Variants in SHOX observed in about 807,000 individuals in gnomAD.
SHOX encodes the protein short stature homeobox protein.
In SHOX, 12 loss-of-function variants were observed where a neutral mutation model predicts 29.6. The observed-to-expected ratio is 0.41, with a 90% CI of 0.26 to 0.66. The LOEUF (loss-of-function observed/expected upper bound fraction) is 0.66. Ranked by LOEUF, SHOX falls within the 30% of genes least tolerant of loss-of-function variation. The pLI, the probability that SHOX is intolerant of heterozygous loss-of-function variation, is 0.35. For synonymous variants in SHOX, 214 were observed against 200.6 expected (o/e 1.07, Z -0.57); for missense variants, 499 against 437.7 (o/e 1.14, Z -1.25).
intron 1 of SHOX, among the ~76,000 whole-genome samples, chrX:631,430 G>T (rs1286614467): frequency 2.0e-5 from 3 of 152,224 alleles, no homozygotes; most frequent in African/African-American, 7.2e-5. Context: ...CGTGGGCACC[G>T]ACACGGGAAG....
chrX:641,395 A>T (rs1301673075), intron 4 of SHOX, among the ~76,000 whole-genome samples: 1 of 151,820 alleles, frequency 6.6e-6, no homozygotes, highest in African/African-American at 2.4e-5. Flanking sequence ...AACCCTGTCT[A>T]TTAAAAATAC....
At chrX:639,421 G>A (rs1166828886) in intron 2 of SHOX, among the ~76,000 whole-genome samples, 2 of 149,870 alleles carry the variant, frequency 1.3e-5, no homozygotes, top group African/African-American at 2.5e-5. Context: ...GGCCGAGAAG[G>A]GCAAAGACAT....
rs1255836925 is a variant in SHOX, at chrX:648,482, C to G, written c.*3846C>G. Among the ~76,000 whole-genome samples the G allele has an allele frequency of 6.6e-6, 1 of 152,094 alleles. No homozygotes were observed. The highest frequency in any genetic ancestry group is 1.9e-4 in the East Asian group (1 of 5,190). On this transcript the variant is annotated 3_prime_UTR_variant, in exon 5 of 5. Coordinates refer to ENST00000686671, the MANE Select transcript of SHOX (RefSeq NM_000451.4). ...CCTCAGGTTGACCTGCCCGCTTTGT[C>G]CCTCGCAAAGTGCTGGGATTACAGG...
rs1382766525 is a variant in SHOX, at chrX:644,861, G to A, written c.*225G>A. 5 of 578,226 alleles carry A rather than the reference G, an allele frequency of 8.6e-6. No individual in the cohort carries two copies. The East Asian group carries it at 1.5e-4, about 17-fold the overall frequency. 35.8% of individuals were successfully genotyped at this position (578,226 alleles called of 1,614,324 possible). On this transcript the variant is annotated 3_prime_UTR_variant, in exon 5 of 5. Transcript: ENST00000686671. ...GGTGCAGAAGGCGGAGCGGGTGAGC[G>A]GCCGTGCGTCCAGCCCGGGCCTCTC...
At position 625,556 on chromosome X, in the gene SHOX, GTCTCTCTGTATCTCTGTCCA is replaced by G. The variant is rs1569491931; in HGVS notation, c.-433+960_-433+979del. On this transcript the variant is annotated intron_variant, in intron 1 of 5. Transcript: ENST00000334060. ...CTCTGTCTCTCTCTTTCTCTCCTCTGTCTCTCTGTATCTCTGTCCATCTCTGTCTCTCTTTCTCTCTCTCC... is the reference window on the plus strand; with the variant it reads ...CTCTGTCTCTCTCTTTCTCTCCTCTGTCTCTGTCTCTCTTTCTCTCTCTCC... Among the ~76,000 whole-genome samples the G allele has an allele frequency of 2.8e-3, 413 of 147,588 alleles. 7 individuals carry two copies. The highest frequency in any genetic ancestry group is 8.5e-3 in the African/African-American group (338 of 39,660).
At chrX:638,962 C>T (rs1318383821) in intron 2 of SHOX, among the ~76,000 whole-genome samples, 1 of 152,104 alleles carries the variant, frequency 6.6e-6, no homozygotes, top group Non-Finnish European at 1.5e-5. Context: ...AATTAAGCGA[C>T]TAAGACTGTC....
intron 1 of SHOX, chrX:631,843 G>A (rs1001976153): frequency 8.8e-6 from 4 of 452,058 alleles, no homozygotes; most frequent in South Asian, 4.7e-5. Flanking sequence ...GGGTCCTGAC[G>A]GCTTAGGATG....
intron 1 of SHOX, among the ~76,000 whole-genome samples, chrX:633,811 A>G (rs1485881540): frequency 3.9e-5 from 6 of 152,062 alleles, no homozygotes; most frequent in Non-Finnish European, 8.8e-5. Context: ...CCTTTTACTT[A>G]AACCCCTGAG....
chrX:644,682 AC>A lies in SHOX; in HGVS notation c.*50del, dbSNP rs2052931904. 2 of 1,391,400 alleles carry A rather than the reference AC, an allele frequency of 1.4e-6. No individual in the cohort carries two copies. Among genetic ancestry groups the A allele is most frequent in the South Asian group, 1.6e-5 (1 of 61,122 alleles). 86.2% of individuals were successfully genotyped at this position (1,391,400 alleles called of 1,614,324 possible). On this transcript the variant is annotated 3_prime_UTR_variant, in exon 5 of 5. Coordinates refer to ENST00000686671, the MANE Select transcript of SHOX (RefSeq NM_000451.4). ...GCGCCCGGACTCCCGGGCTCCGCGCACCCCGCCTGCACCGCGCGTCCTGCAC... is the reference window on the plus strand; with the variant it reads ...GCGCCCGGACTCCCGGGCTCCGCGCACCCGCCTGCACCGCGCGTCCTGCAC...
chrX:627,261 C>T (rs1349287819), upstream of SHOX, among the ~76,000 whole-genome samples: 1 of 152,146 alleles, frequency 6.6e-6, no homozygotes, highest in Non-Finnish European at 1.5e-5. Context: ...TCTCGGACAG[C>T]GTCTTGAATT....
chrX:656,842 CAAAAAA>C (rs777955647), intron 5 of SHOX, among the ~76,000 whole-genome samples: 4 of 49,388 alleles, frequency 8.1e-5, no homozygotes, highest in Admixed American at 5.0e-4. Context: ...GACTCCGTCT[CAAAAAA>C]AAAAAAAAAA....
At chrX:634,524 G>C in intron 1 of SHOX, 94 bp from the exon 2 acceptor site, 2 of 1,359,712 alleles carry the variant, frequency 1.5e-6, no homozygotes, top group Non-Finnish European at 1.0e-6. Flanking sequence ...TGGTTTTCGA[G>C]GGCCCCCTTT....
intron 1 of SHOX, 139 bp downstream of exon 1, chrX:631,313 C>T: frequency 8.7e-7 from 1 of 1,148,896 alleles, no homozygotes; most frequent in African/African-American, 1.5e-5. Flanking sequence ...GGCCGTCAGG[C>T]TTTGCCTAAG....
At chrX:629,707 A>C (rs772193420), upstream of SHOX, among the ~76,000 whole-genome samples, 2 of 152,158 alleles carry the variant, frequency 1.3e-5, no homozygotes, top group East Asian at 3.9e-4. Flanking sequence ...CCGGGGAGGA[A>C]GATGCGCCGT....
Position 658,791 on chromosome X carries a change from T to TTTTG in SHOX, c.641_644dup (p.Ser216LeufsTer93). The TTTTG allele has an allele frequency of 2.6e-6, 1 of 388,036 alleles. No individual in the cohort carries two copies. The highest frequency in any genetic ancestry group is 5.1e-6 in the Non-Finnish European group (1 of 196,806). 24.0% of individuals were successfully genotyped at this position (388,036 alleles called of 1,614,324 possible). A position where few individuals can be genotyped will look rare whatever the true frequency, so the allele number is the denominator to read the frequency against. ...GGCCTTTTTTTTTTTTTAGATGGAG[T>TTTTG]TTTGCTCTTGTCGCCCGGGCTGGAG... On this transcript the variant is annotated frameshift_variant, in exon 6 of 6. Coordinates refer to the SHOX transcript ENST00000334060. LOFTEE classifies it high-confidence loss of function.
At chrX:641,146 C>T in intron 4 of SHOX, 59 bp downstream of exon 4, 1 of 1,505,058 alleles carries the variant, frequency 6.6e-7, no homozygotes, top group Admixed American at 1.7e-5. Flanking sequence ...CTTCCCCTTT[C>T]CCCTATTTGC....
At chrX:652,891 T>C (rs1460387923), downstream of SHOX, among the ~76,000 whole-genome samples, 1 of 79,406 alleles carries the variant, frequency 1.3e-5, no homozygotes, top group Non-Finnish European at 2.7e-5. Flanking sequence ...GCCTGTTTTT[T>C]AGGGGCAAAC....
At chrX:653,299 T>G (rs1181722460), downstream of SHOX, among the ~76,000 whole-genome samples, 1 of 152,192 alleles carries the variant, frequency 6.6e-6, no homozygotes, top group African/African-American at 2.4e-5. Context: ...CGTTCAGCTT[T>G]GTTCTGCAAA....
chrX:635,389 G>A (rs1483989309), intron 2 of SHOX, among the ~76,000 whole-genome samples: 1 of 152,214 alleles, frequency 6.6e-6, no homozygotes, highest in African/African-American at 2.4e-5. Flanking sequence ...GATGAAAGGA[G>A]AGGGGTGTCC....
Sources: allele counts gnomAD v4.1 joint callset (sites outside exome capture counted in the v4.1 genomes callset), GRCh38; gene constraint gnomAD v4.1.1; transcripts MANE v1.5; gene names NCBI Gene and HGNC (gene_info 2026-07-23, HGNC 2026-07-21).